Variants in ZNF90 observed in about 807,000 individuals in gnomAD.
ZNF90 encodes the protein zinc finger protein HTF9.
Under a neutral mutation model 12.0 loss-of-function variants are expected in ZNF90, and 11 were observed. That is an observed-to-expected ratio of 0.92 (90% confidence interval 0.58 to 1.52). The LOEUF is 1.52. ZNF90 is among the 40% of genes most tolerant of loss of function. The pLI, the probability that ZNF90 is intolerant of heterozygous loss-of-function variation, is 0.00. For synonymous variants in ZNF90, 232 were observed against 240.1 expected (o/e 0.97, Z 0.31); for missense variants, 765 against 711.5 (o/e 1.08, Z -0.86).
chr19:20,118,230 G>A lies in ZNF90; in HGVS notation c.676G>A (p.Glu226Lys). The A allele has an allele frequency of 6.3e-7, 1 of 1,597,058 alleles. No individual in the cohort carries two copies. The highest frequency in any genetic ancestry group is 1.1e-5 in the South Asian group (1 of 89,256). ...LTSHKRIHTGEKRYKCEDCGK... is the reference protein window; with the variant it reads ...LTSHKRIHTGKKRYKCEDCGK... ...TTCACATAAGAGAATTCATACTGGA[G>A]AGAAACGGTACAAATGTGAAGATTG... Residue 226 changes from glutamate to lysine, a missense_variant, in exon 4 of 4, where the codon GAG (glutamate) becomes AAG (lysine). Glu to Lys is a moderately conservative substitution (Grantham distance 56). Transcript: ENST00000418063.
intron 1 of ZNF90, among the ~76,000 whole-genome samples, chr19:20,091,986 T>C (rs191660674): frequency 0.018 from 2,718 of 152,182 alleles, 75 homozygotes; most frequent in African/African-American, 0.062. Flanking sequence ...CTGGTGGAAC[T>C]GCCATCAATA....
At chr19:20,115,775 A>AT (rs1389756928) in intron 3 of ZNF90, among the ~76,000 whole-genome samples, 1 of 151,608 alleles carries the variant, frequency 6.6e-6, no homozygotes, top group South Asian at 2.1e-4. Context: ...CAAAATTTTT[A>AT]TTTTTTGCTA....
At chr19:20,080,200 T>G (rs192352431) in intron 1 of ZNF90, 1 of 546,436 alleles carries the variant, frequency 1.8e-6, no homozygotes, top group Non-Finnish European at 3.6e-6. Flanking sequence ...ATAATGGGAC[T>G]AGTACCACCG....
Position 20,105,070 on chromosome 19 carries a change from A to C in ZNF90, c.131-151A>C. The C allele has an allele frequency of 1.2e-5, 5 of 412,012 alleles. No individual in the cohort carries two copies. The South Asian group carries it at 1.9e-4, about 16-fold the overall frequency. The allele number at this position is 412,012 out of a possible 1,614,324, so 25.5% of individuals were successfully genotyped here. A position where few individuals can be genotyped will look rare whatever the true frequency, so the allele number is the denominator to read the frequency against. Reference sequence around the variant, plus strand: ...ACACACAAAAGAAACCTATGATTTGAAAGTATTTTCTAAATCTTTTGAAAT... The same window carrying C: ...ACACACAAAAGAAACCTATGATTTGCAAGTATTTTCTAAATCTTTTGAAAT... On this transcript the variant is annotated intron_variant, in intron 2 of 3. Transcript: ENST00000418063.
chr19:20,089,918 C>G (rs2088889040), intron 1 of ZNF90, among the ~76,000 whole-genome samples: 2 of 152,116 alleles, frequency 1.3e-5, no homozygotes, highest in East Asian at 1.9e-4. Flanking sequence ...AAGGTTGATA[C>G]TGTGGTGGAG....
At chr19:20,085,631 CCTT>C (rs2088853981) in intron 1 of ZNF90, among the ~76,000 whole-genome samples, 1 of 152,202 alleles carries the variant, frequency 6.6e-6, no homozygotes, top group African/African-American at 2.4e-5. Context: ...CCCTCATAAA[CCTT>C]CTTTCAAGTG....
chr19:20,084,089 A>T (rs1302746753), intron 1 of ZNF90, among the ~76,000 whole-genome samples: 1 of 147,970 alleles, frequency 6.8e-6, no homozygotes, highest in Non-Finnish European at 1.5e-5. Context: ...TTTGAGACGG[A>T]GTCTCCCAGG....
At chr19:20,083,321 T>G (rs2088834961) in intron 1 of ZNF90, among the ~76,000 whole-genome samples, 5 of 152,104 alleles carry the variant, frequency 3.3e-5, no homozygotes, top group African/African-American at 1.2e-4. Context: ...TTTTCTTTTT[T>G]TTTTGTTTTT....
At chr19:20,106,668 T>C (rs953058728) in intron 3 of ZNF90, among the ~76,000 whole-genome samples, 5 of 152,208 alleles carry the variant, frequency 3.3e-5, no homozygotes, top group South Asian at 4.1e-4. Flanking sequence ...TTAGCCTGGA[T>C]GGTCTCGATC....
chr19:20,110,897 G>C (rs1555705036), intron 3 of ZNF90, among the ~76,000 whole-genome samples: 1 of 151,826 alleles, frequency 6.6e-6, no homozygotes. Flanking sequence ...TAGTTTTAAG[G>C]GTTGTTTATA....
At chr19:20,109,859 A>G (rs1057003439) in intron 3 of ZNF90, among the ~76,000 whole-genome samples, 1 of 152,032 alleles carries the variant, frequency 6.6e-6, no homozygotes, top group Non-Finnish European at 1.5e-5. Flanking sequence ...AAAGCTGTTT[A>G]TTTCAGGCAT....
At chr19:20,079,044 G>A (rs745871740) in intron 1 of ZNF90, among the ~76,000 whole-genome samples, 2 of 151,516 alleles carry the variant, frequency 1.3e-5, no homozygotes, top group Admixed American at 6.6e-5. Flanking sequence ...GCTTGAACTC[G>A]GGAGGCAGAG....
intron 1 of ZNF90, among the ~76,000 whole-genome samples, chr19:20,093,404 A>T (rs570045096): frequency 6.6e-6 from 1 of 152,126 alleles, no homozygotes; most frequent in East Asian, 1.9e-4. Flanking sequence ...TTTTAATGGG[A>T]TGGTAATGGG....
At position 20,110,425 on chromosome 19, in the gene ZNF90, C is replaced by T. The variant is rs782117785; in HGVS notation, c.226+5109C>T. 3.9e-5 allele frequency among the ~76,000 whole-genome samples: 6 copies of T among 152,086 alleles called. No homozygotes were observed. The East Asian group carries it at 7.7e-4, about 20-fold the overall frequency. ...TCCCTAGTAACTGGGATTACAGGCA[C>T]CCACTACCATGCCTAGCTGATTTTT... On this transcript the variant is annotated intron_variant, in intron 3 of 3. Transcript: ENST00000418063.
chr19:20,081,151 C>T (rs942270796), intron 1 of ZNF90, among the ~76,000 whole-genome samples: 1 of 152,162 alleles, frequency 6.6e-6, no homozygotes, highest in African/African-American at 2.4e-5. Flanking sequence ...CATACTCCTC[C>T]CAGGACTAGG....
chr19:20,086,284 G>GAGTTC (rs1480272748), intron 1 of ZNF90, among the ~76,000 whole-genome samples: 71 of 143,556 alleles, frequency 4.9e-4, no homozygotes, highest in African/African-American at 1.8e-3. Context: ...GCCCAGGCTG[G>GAGTTC]AGTTCAGTGG....
At position 20,104,249 on chromosome 19, in the gene ZNF90, A is replaced by G. The variant is rs782258381; in HGVS notation, c.14A>G (p.Glu5Gly). ...ATGTGTGTTTTTCAGGGACCATTGG[A>G]ATTTAGAGATGTGGCCATAGAATTC... MGPL[E>G]FRDVAIEFSL... is the part of the protein sequence containing the mutation. Residue 5 changes from glutamate to glycine, a missense_variant, in exon 2 of 4, where the codon GAA becomes GGA. Transcript: ENST00000418063. The G allele has an allele frequency of 3.7e-6, 6 of 1,613,968 alleles. No individual in the cohort carries two copies. The highest frequency in any genetic ancestry group is 5.1e-6 in the Non-Finnish European group (6 of 1,179,922).
chr19:20,080,324 T>G (rs2088810446), intron 1 of ZNF90: 1 of 516,258 alleles, frequency 1.9e-6, no homozygotes, highest in South Asian at 1.6e-5. Context: ...GTTTTACCAG[T>G]ACAACACTCT....
Position 20,096,226 on chromosome 19 carries a change from G to A in ZNF90, c.4-8013G>A, listed in dbSNP as rs12984559. Among the ~76,000 whole-genome samples the A allele has an allele frequency of 8.9e-3, 1,353 of 152,124 alleles. 15 individuals are homozygous for A. The highest frequency in any genetic ancestry group is 0.052 in the East Asian group (270 of 5,162). On this transcript the variant is annotated intron_variant, in intron 1 of 3. Coordinates refer to ENST00000418063, the MANE Select transcript of ZNF90 (RefSeq NM_007138.2). ...TGGTGAGATGTTTCTTGGGCTGGTC[G>A]GTCTGAGGACCTGAGGTCATAGGTG...
Sources: gnomAD v4.1 joint callset for allele counts (sites outside exome capture counted in the v4.1 genomes callset) on GRCh38, gnomAD v4.1.1 for gene constraint, MANE v1.5 for transcripts, NCBI Gene and HGNC (gene_info 2026-07-23, HGNC 2026-07-21) for gene names.